RIN2: variants seen among roughly 807,000 people sequenced by gnomAD.
The protein encoded by RIN2 is Ras and Rab interactor 2, also known as RAB5 interacting protein 2.
RIN2 carries 36 observed loss-of-function variants against 78.0 expected under a neutral mutation model. The observed-to-expected ratio is 0.46, with a 90% confidence interval of 0.35 to 0.61. The LOEUF (loss-of-function observed/expected upper bound fraction) is 0.61. RIN2 is among the 20% of genes least tolerant of loss of function. RIN2 has a pLI of 0.00. For missense variants in RIN2, 1,087 were observed against 1,159.7 expected, an observed-to-expected ratio of 0.94 and a Z score of 0.91; for synonymous variants, 466 against 466.8, an observed-to-expected ratio of 1.00 and a Z score of 0.02.
chr20:19,888,021 T>C (rs1275665014), intron 2 of RIN2, among the ~76,000 whole-genome samples: 1 of 151,952 alleles, frequency 6.6e-6, no homozygotes, highest in Non-Finnish European at 1.5e-5. Context: ...GGCCTTTTGC[T>C]AATGAGTGAT....
intron 4 of RIN2, among the ~76,000 whole-genome samples, chr20:19,945,675 T>C (rs2041061475): frequency 6.6e-6 from 1 of 152,202 alleles, no homozygotes. Flanking sequence ...CTTTTTATCT[T>C]TCTTATCATT....
In RIN2 at chr20:19,988,618, C is replaced by T. The variant is rs536801160; in HGVS notation, c.1763-1388C>T. On this transcript the variant is annotated intron_variant, in intron 9 of 12. Transcript: ENST00000255006. Reference sequence around the variant, plus strand: ...ATTATTATATAAATAGCCTTCAGCCCGCATCTCTGGATTTATGGTACTGGT... The same window carrying T: ...ATTATTATATAAATAGCCTTCAGCCTGCATCTCTGGATTTATGGTACTGGT... Among the ~76,000 whole-genome samples the T allele has an allele frequency of 5.0e-4, 76 of 152,094 alleles. 1 individual carries two copies. Among genetic ancestry groups the T allele is most frequent in the Non-Finnish European group, 3.4e-4 (23 of 68,028 alleles).
chr20:19,942,739 C>A (rs2040931264), intron 4 of RIN2, among the ~76,000 whole-genome samples: 2 of 152,170 alleles, frequency 1.3e-5, no homozygotes, highest in African/African-American at 4.8e-5. Context: ...GAAATTGATT[C>A]TGTTTTTGTT....
intron 6 of RIN2, among the ~76,000 whole-genome samples, chr20:19,961,218 T>A (rs1374732815): frequency 6.6e-6 from 1 of 152,208 alleles, no homozygotes; most frequent in Admixed American, 6.5e-5. Context: ...TGTCTGCACT[T>A]CTTCGTGAAT....
chr20:19,870,268 T>G (rs2123357613), intron 2 of RIN2, among the ~76,000 whole-genome samples: 1 of 152,332 alleles, frequency 6.6e-6, no homozygotes, highest in South Asian at 2.1e-4. Flanking sequence ...ATGTCCTGTA[T>G]AGCATGTTTC....
chr20:19,926,312 A>G (rs2040218439), intron 3 of RIN2, among the ~76,000 whole-genome samples: 1 of 152,032 alleles, frequency 6.6e-6, no homozygotes, highest in African/African-American at 2.4e-5. Flanking sequence ...AAATGCAAAC[A>G]CCCTTGGGAG....
At chr20:19,792,389 T>C (rs1160837030) in intron 1 of RIN2, among the ~76,000 whole-genome samples, 1 of 152,192 alleles carries the variant, frequency 6.6e-6, no homozygotes, top group Non-Finnish European at 1.5e-5. Flanking sequence ...CTCGTGAACA[T>C]TTAAACAAGA....
At chr20:19,867,364 A>G (rs1363616699) in intron 2 of RIN2, among the ~76,000 whole-genome samples, 2 of 152,218 alleles carry the variant, frequency 1.3e-5, no homozygotes, top group East Asian at 1.9e-4. Flanking sequence ...CATTGATGCA[A>G]TACTTTAATC....
At chr20:19,949,556 C>G (rs6081824) in intron 4 of RIN2, among the ~76,000 whole-genome samples, 19,833 of 152,262 alleles carry the variant, frequency 0.13, 1,559 homozygotes, top group East Asian at 0.38. Flanking sequence ...GAAAGTTGTT[C>G]ACTTTATTTA....
intron 2 of RIN2, chr20:19,809,641 C>A (rs887970342): frequency 6.6e-6 from 1 of 152,294 alleles, no homozygotes; most frequent in African/African-American, 2.4e-5. Flanking sequence ...AGCGAGCAGG[C>A]CTCTCTGCAG....
intron 2 of RIN2, among the ~76,000 whole-genome samples, chr20:19,812,061 C>CTTT (rs10678963): frequency 0.02 from 3,035 of 151,042 alleles, 87 homozygotes; most frequent in African/African-American, 0.068. Context: ...ATAGCTTGTT[C>CTTT]TTTTTTTTTA....
At chr20:19,962,340 G>A (rs886307766) in intron 6 of RIN2, among the ~76,000 whole-genome samples, 1 of 151,418 alleles carries the variant, frequency 6.6e-6, no homozygotes, top group South Asian at 2.1e-4. Flanking sequence ...CACAAGGCAA[G>A]AAGCCACAGA....
At chr20:19,776,742 A>G (rs537675331) in intron 1 of RIN2, among the ~76,000 whole-genome samples, 96 of 151,574 alleles carry the variant, frequency 6.3e-4, no homozygotes, top group African/African-American at 1.6e-3. Context: ...AAAAAAAAAA[A>G]AAAGAAAGAA....
intron 2 of RIN2, among the ~76,000 whole-genome samples, chr20:19,869,267 G>A (rs2037607711): frequency 6.6e-6 from 1 of 152,176 alleles, no homozygotes; most frequent in Non-Finnish European, 1.5e-5. Context: ...TTGGACTGAT[G>A]TCAGGGCCAC....
intron 2 of RIN2, among the ~76,000 whole-genome samples, chr20:19,832,114 C>A (rs577724722): frequency 6.6e-6 from 1 of 151,912 alleles, no homozygotes; most frequent in South Asian, 2.1e-4. Context: ...CTAAAGGGGA[C>A]GTGACTGGCC....
intron 2 of RIN2, among the ~76,000 whole-genome samples, chr20:19,822,651 TAC>T (rs11468740): frequency 0.37 from 55,563 of 151,134 alleles, 12,072 homozygotes; most frequent in African/African-American, 0.62. Flanking sequence ...GAGAGCAAAA[TAC>T]ACACACACAC....
chr20:19,907,758 T>A (rs1042709529), intron 3 of RIN2, among the ~76,000 whole-genome samples: 4 of 152,188 alleles, frequency 2.6e-5, no homozygotes, highest in African/African-American at 4.8e-5. Context: ...TTCCCTTTAA[T>A]GCATCAAAGA....
intron 3 of RIN2, among the ~76,000 whole-genome samples, chr20:19,910,063 A>G (rs1209739082): frequency 1.3e-5 from 2 of 152,236 alleles, no homozygotes; most frequent in Non-Finnish European, 2.9e-5. Context: ...CAACAGGAAG[A>G]ATGTGCAAAG....
chr20:19,929,673 C>T (rs1220122106), intron 3 of RIN2, among the ~76,000 whole-genome samples: 1 of 152,146 alleles, frequency 6.6e-6, no homozygotes, highest in Non-Finnish European at 1.5e-5. Flanking sequence ...GTAGCACCAA[C>T]TGCTATTGGC....
Sources: gnomAD v4.1 joint callset for allele counts (sites outside exome capture counted in the v4.1 genomes callset) on GRCh38, gnomAD v4.1.1 for gene constraint, MANE v1.5 for transcripts, NCBI Gene and HGNC (gene_info 2026-07-23, HGNC 2026-07-21) for gene names.